PDE4B: variants seen among roughly 807,000 people sequenced by gnomAD.
PDE4B encodes the protein phosphodiesterase 4B.
In PDE4B, 20 loss-of-function variants were observed where a neutral mutation model predicts 82.2. That is an observed-to-expected ratio of 0.24 (90% CI 0.17 to 0.35). PDE4B has a LOEUF of 0.35. Among genes scored for constraint, PDE4B ranks in the 10% least tolerant of loss-of-function variants. The pLI, the probability that PDE4B is intolerant of heterozygous loss-of-function variation, is 1.00. For missense variants in PDE4B, 655 were observed against 907.2 expected, an observed-to-expected ratio of 0.72 and a Z score of 3.57; for synonymous variants, 320 against 318.9, an observed-to-expected ratio of 1.00 and a Z score of -0.04.
intron 3 of PDE4B, among the ~76,000 whole-genome samples, chr1:65,944,022 A>T (rs139412966): frequency 6.6e-6 from 1 of 152,100 alleles, no homozygotes; most frequent in Non-Finnish European, 1.5e-5. Flanking sequence ...GTCCAGCAGC[A>T]TGTTGAATAG....
intron 3 of PDE4B, among the ~76,000 whole-genome samples, chr1:66,234,624 A>G (rs1345641714): frequency 6.6e-6 from 1 of 151,760 alleles, no homozygotes; most frequent in Non-Finnish European, 1.5e-5. Context: ...TATTATTTTT[A>G]TAGTATCTTT....
At chr1:66,234,791 C>T (rs994322328) in intron 3 of PDE4B, among the ~76,000 whole-genome samples, 4 of 151,722 alleles carry the variant, frequency 2.6e-5, no homozygotes, top group Admixed American at 1.3e-4. Flanking sequence ...CTTTTATTTC[C>T]GCTCTATCTT....
intron 7 of PDE4B, among the ~76,000 whole-genome samples, chr1:66,328,969 G>C (rs1252471172): frequency 6.6e-6 from 1 of 152,236 alleles, no homozygotes; most frequent in African/African-American, 2.4e-5. Context: ...TAAGATCCAA[G>C]GGGTTGTCTG....
chr1:66,025,896 A>G (rs1324978502), intron 3 of PDE4B, among the ~76,000 whole-genome samples: 1 of 152,234 alleles, frequency 6.6e-6, no homozygotes, highest in Non-Finnish European at 1.5e-5. Flanking sequence ...TTAAGTGTCA[A>G]ACTTAAGATG....
At chr1:65,808,786 A>G (rs939706319) in intron 1 of PDE4B, among the ~76,000 whole-genome samples, 1 of 152,202 alleles carries the variant, frequency 6.6e-6, no homozygotes, top group African/African-American at 2.4e-5. Flanking sequence ...TGTATCCTGT[A>G]CTTGGTAAAG....
At chr1:65,865,172 G>A (rs1426161196) in intron 1 of PDE4B, among the ~76,000 whole-genome samples, 1 of 152,168 alleles carries the variant, frequency 6.6e-6, no homozygotes, top group African/African-American at 2.4e-5. Context: ...AGCCTCCTTA[G>A]CACTGTCAGG....
intron 3 of PDE4B, among the ~76,000 whole-genome samples, chr1:65,921,402 T>G (rs910631434): frequency 2.6e-5 from 4 of 152,148 alleles, no homozygotes; most frequent in Non-Finnish European, 5.9e-5. Flanking sequence ...TGGGTTCAAA[T>G]TATCATCAAT....
chr1:65,826,097 A>G (rs1323896231), intron 1 of PDE4B, among the ~76,000 whole-genome samples: 2 of 152,170 alleles, frequency 1.3e-5, no homozygotes, highest in Non-Finnish European at 2.9e-5. Flanking sequence ...CACCTACAGG[A>G]TAGTTTTCCT....
chr1:66,014,514 A>G lies in PDE4B; in HGVS notation c.281+95679A>G, dbSNP rs187751042. Among the ~76,000 whole-genome samples the G allele has an allele frequency of 2.4e-4, 36 of 152,190 alleles. No homozygotes were observed. In the East Asian group the frequency reaches 6.9e-3, roughly 29 times the overall value. On this transcript the variant is annotated intron_variant, in intron 3 of 16. Coordinates refer to ENST00000341517, the MANE Select transcript of PDE4B (RefSeq NM_002600.4). ...ACTGCTTTCTTTTGCAGTATCCAGTATCTTTTGCAGTATGTTTTGTTGGTA... is the reference window on the plus strand; with the variant it reads ...ACTGCTTTCTTTTGCAGTATCCAGTGTCTTTTGCAGTATGTTTTGTTGGTA...
At chr1:66,324,899 C>G (rs1297350962) in intron 7 of PDE4B, among the ~76,000 whole-genome samples, 1 of 152,102 alleles carries the variant, frequency 6.6e-6, no homozygotes, top group Non-Finnish European at 1.5e-5. Flanking sequence ...TGCACTCTAA[C>G]CTGAGTGTGC....
chr1:65,885,752 C>T (rs1252459903), intron 1 of PDE4B, among the ~76,000 whole-genome samples: 1 of 151,654 alleles, frequency 6.6e-6, no homozygotes, highest in Non-Finnish European at 1.5e-5. Context: ...AGGAGATATA[C>T]CTAATGTAAG....
At chr1:66,158,192 C>A (rs1275629518) in intron 3 of PDE4B, among the ~76,000 whole-genome samples, 1 of 152,086 alleles carries the variant, frequency 6.6e-6, no homozygotes, top group Non-Finnish European at 1.5e-5. Context: ...CTTAAAAGGG[C>A]AGCAGAGAAA....
chr1:66,161,710 A>G (rs1368481070), intron 3 of PDE4B, among the ~76,000 whole-genome samples: 2 of 152,122 alleles, frequency 1.3e-5, no homozygotes, highest in Non-Finnish European at 2.9e-5. Context: ...GGTCTATGGA[A>G]CAAATGACAT....
chr1:65,943,605 T>G (rs940818745), intron 3 of PDE4B, among the ~76,000 whole-genome samples: 2 of 152,056 alleles, frequency 1.3e-5, no homozygotes, highest in African/African-American at 2.4e-5. Flanking sequence ...ATGGACATTT[T>G]AACAATATGA....
chr1:65,982,116 G>A (rs2100654022), intron 3 of PDE4B, among the ~76,000 whole-genome samples: 1 of 152,298 alleles, frequency 6.6e-6, no homozygotes, highest in East Asian at 1.9e-4. Context: ...GGAGACTATT[G>A]TTAGACTTAT....
chr1:66,370,080 G>A (rs1663569198), intron 16 of PDE4B, among the ~76,000 whole-genome samples: 1 of 150,054 alleles, frequency 6.7e-6, no homozygotes, highest in Non-Finnish European at 1.5e-5. Flanking sequence ...GAACCCAGGA[G>A]GCGGACGTTG....
chr1:65,930,953 A>C lies in PDE4B; in HGVS notation c.281+12118A>C, dbSNP rs184691033. ...GGTTTGAATCTGTGTCCTCACTCAA[A>C]TCTCATGTTCAATTGTAATCCCCAA... On this transcript the variant is annotated intron_variant, in intron 3 of 16. Transcript: ENST00000341517. Among the ~76,000 whole-genome samples the C allele has an allele frequency of 5.2e-3, 791 of 152,302 alleles. 5 individuals carry two copies. Among genetic ancestry groups the C allele is most frequent in the African/African-American group, 0.018 (743 of 41,562 alleles).
intron 3 of PDE4B, among the ~76,000 whole-genome samples, chr1:66,052,904 C>T (rs1343710422): frequency 6.6e-6 from 1 of 152,172 alleles, no homozygotes; most frequent in African/African-American, 2.4e-5. Context: ...CGAGACTACA[C>T]ATTTGTACCT....
intron 3 of PDE4B, among the ~76,000 whole-genome samples, chr1:66,058,154 G>A (rs540768918): frequency 5.3e-5 from 8 of 152,310 alleles, no homozygotes; most frequent in African/African-American, 1.7e-4. Flanking sequence ...AATCCAGCAG[G>A]GGAGTCAAAT....
Sources: gnomAD v4.1 joint callset for allele counts (sites outside exome capture counted in the v4.1 genomes callset) on GRCh38, gnomAD v4.1.1 for gene constraint, MANE v1.5 for transcripts, NCBI Gene and HGNC (gene_info 2026-07-23, HGNC 2026-07-21) for gene names.